Variants in ATM observed in about 807,000 individuals in gnomAD.
ATM encodes the protein ATM serine/threonine kinase.
Under a neutral mutation model 387.0 loss-of-function variants are expected in ATM, and 308 were observed. The ratio of observed to expected loss-of-function variants is 0.80; its 90% CI spans 0.73 to 0.87. The LOEUF is 0.87. ATM is among the 40% of genes least tolerant of loss of function. The probability of loss-of-function intolerance (pLI) is 0.00; values close to 1 mark genes in which losing one functional copy is unlikely to be tolerated. For synonymous variants in ATM, 1,156 were observed against 1,187.3 expected (o/e 0.97, Z 0.54); for missense variants, 3,312 against 3,560.9 (o/e 0.93, Z 1.78).
At chr11:108,364,454 G>A (rs1011635657) in intron 61 of ATM, among the ~76,000 whole-genome samples, 1 of 152,066 alleles carries the variant, frequency 6.6e-6, no homozygotes, top group Non-Finnish European at 1.5e-5. Flanking sequence ...AGTTGTTTTG[G>A]TATCCTAATT....
In ATM at chr11:108,320,056, C is replaced by G. The variant is rs2136222693; in HGVS notation, c.6450C>G (p.Ala2150=). The G allele has an allele frequency of 6.3e-7, 1 of 1,581,874 alleles. No individual in the cohort carries two copies. ...FSTFYESLKY[A]RVKEVEEMCK... The stretch of plus-strand genomic sequence containing the variant: ...CATTTTATGAAAGTCTCAAATATGC[C>G]AGGTATTATGAAAAGACAAAGTTAC... Residue 2150 remains alanine, a splice_region_variant and synonymous_variant, in exon 44 of 63, where the codon GCC becomes GCG. Coordinates refer to ENST00000675843, the MANE Select transcript of ATM (RefSeq NM_000051.4).
intron 40 of ATM, among the ~76,000 whole-genome samples, chr11:108,312,887 T>C (rs1255919865): frequency 6.6e-6 from 1 of 152,230 alleles, no homozygotes; most frequent in East Asian, 1.9e-4. Context: ...TTTCTTGATA[T>C]CCATTCTTAA....
intron 18 of ATM, among the ~76,000 whole-genome samples, chr11:108,269,743 T>G (rs1304064640): frequency 6.6e-6 from 1 of 152,214 alleles, no homozygotes; most frequent in East Asian, 1.9e-4. Flanking sequence ...TTAGAACCTC[T>G]GATCACAGTA....
intron 5 of ATM, among the ~76,000 whole-genome samples, chr11:108,240,624 A>G (rs773466111): frequency 6.6e-6 from 1 of 152,148 alleles, no homozygotes; most frequent in African/African-American, 2.4e-5. Flanking sequence ...TTGTGTCTCT[A>G]AACATATATA....
intron 40 of ATM, among the ~76,000 whole-genome samples, chr11:108,313,604 C>T (rs746836730): frequency 6.6e-6 from 1 of 152,130 alleles, no homozygotes; most frequent in Non-Finnish European, 1.5e-5. Flanking sequence ...GATTTTTCTC[C>T]TTTCACTTTT....
In ATM at chr11:108,330,281, C is replaced by T. The variant is rs730881383; in HGVS notation, c.7375C>T (p.Arg2459Cys). 74 of 1,614,040 alleles carry T rather than the reference C, an allele frequency of 4.6e-5. No homozygotes were observed. The highest frequency in any genetic ancestry group is 6.7e-5 in the Admixed American group (4 of 59,998). The stretch of plus-strand genomic sequence containing the variant: ...AGCCCTGCGTGCACTGAAAGAGGAT[C>T]GTAAACGCTTCTTATGTAAAGCAGT... Reference protein sequence around the residue: ...ELALRALKEDRKRFLCKAVEN... With the variant: ...ELALRALKEDCKRFLCKAVEN... The change falls in exon 50 of 63, where the codon CGT becomes TGT. Residue 2459 changes from arginine to cysteine, a missense_variant. Arg to Cys is a radical substitution (Grantham distance 180). Transcript: ENST00000675843.
At chr11:108,298,921 G>C (rs1276320188) in intron 33 of ATM, among the ~76,000 whole-genome samples, 3 of 152,148 alleles carry the variant, frequency 2.0e-5, no homozygotes, top group Non-Finnish European at 4.4e-5. Context: ...AATTAGAAAA[G>C]CAATTCCATT....
intron 5 of ATM, among the ~76,000 whole-genome samples, chr11:108,242,091 C>G (rs1175972831): frequency 6.6e-6 from 1 of 151,558 alleles, no homozygotes; most frequent in African/African-American, 2.4e-5. Context: ...CAAATCTAGC[C>G]TGGGCAGTGT....
intron 17 of ATM, 96 bp downstream of exon 17, chr11:108,267,438 A>G: frequency 8.9e-7 from 1 of 1,121,720 alleles, no homozygotes; most frequent in Non-Finnish European, 1.3e-6. Context: ...TGCTTATTTC[A>G]TTTTCTCTTA....
chr11:108,268,647 C>A (rs2135528455), intron 18 of ATM, 38 bp downstream of exon 18: 1 of 1,581,582 alleles, frequency 6.3e-7, no homozygotes, highest in South Asian at 1.1e-5. Context: ...TGGATTTTAT[C>A]TGATGTTGCT....
chr11:108,297,119 A>G, intron 32 of ATM, 168 bp from the exon 33 acceptor site: 2 of 600,388 alleles, frequency 3.3e-6, no homozygotes. Context: ...TGTTGTATTA[A>G]GGAAGTTCAG....
intron 4 of ATM, 139 bp from the exon 5 acceptor site, chr11:108,235,531 T>G: frequency 1.3e-6 from 1 of 777,922 alleles, no homozygotes; most frequent in Non-Finnish European, 2.0e-6. Flanking sequence ...CTTGGGGCCA[T>G]AATTTGCCAA....
chr11:108,256,905 T>C (rs1440504060), intron 14 of ATM, among the ~76,000 whole-genome samples: 1 of 152,246 alleles, frequency 6.6e-6, no homozygotes, highest in Admixed American at 6.5e-5. Context: ...ATTATCTTTA[T>C]CCGGTCTATC....
At chr11:108,261,402 A>G (rs1018310203) in intron 16 of ATM, among the ~76,000 whole-genome samples, 3 of 152,210 alleles carry the variant, frequency 2.0e-5, no homozygotes, top group African/African-American at 7.2e-5. Context: ...GGGTACTCCA[A>G]CAGGCCTGCA....
intron 61 of ATM, chr11:108,356,092 T>C (rs914048225): frequency 6.6e-6 from 1 of 152,254 alleles, no homozygotes; most frequent in African/African-American, 2.4e-5. Context: ...TGTCATTTGT[T>C]ACAGTTTGCC....
chr11:108,354,670 A>G (rs2089663042), intron 60 of ATM, 141 bp from the exon 61 acceptor site: 1 of 790,458 alleles, frequency 1.3e-6, no homozygotes, highest in African/African-American at 1.7e-5. Context: ...CACTCTGCCA[A>G]GTATTATGCT....
At chr11:108,330,159 G>T (rs1161989103) in intron 49 of ATM, 55 bp from the exon 50 acceptor site, 2 of 1,558,770 alleles carry the variant, frequency 1.3e-6, no homozygotes, top group Non-Finnish European at 1.8e-6. Context: ...GTGTGATTTT[G>T]TAGTTCTGTT....
intron 22 of ATM, 94 bp from the exon 23 acceptor site, chr11:108,279,396 AT>A (rs2082106543): frequency 5.7e-6 from 5 of 881,616 alleles, no homozygotes; most frequent in Non-Finnish European, 7.4e-6. Flanking sequence ...TCACAGAGTG[AT>A]TTATTTTTGT....
rs1060504269 is a variant in ATM at position 108,251,969 on chromosome 11, C to T, written c.1740C>T (p.Leu580=). Residue 580 remains leucine, a synonymous_variant, in exon 11 of 63, where the codon CTC becomes CTT. Coordinates refer to ENST00000675843, the MANE Select transcript of ATM (RefSeq NM_000051.4). ...FSLKESIMKW[L]LFYQLEGDLE... is the part of the protein sequence containing the mutation. ...TAAAGGAATCAATAATGAAATGGCT[C>T]TTATTCTATCAGTTAGAGGGTGACT... The T allele has an allele frequency of 6.2e-7, 1 of 1,613,794 alleles. No homozygotes were observed.
Sources: gnomAD v4.1 joint callset for allele counts (sites outside exome capture counted in the v4.1 genomes callset) on GRCh38, gnomAD v4.1.1 for gene constraint, MANE v1.5 for transcripts, NCBI Gene and HGNC (gene_info 2026-07-23, HGNC 2026-07-21) for gene names.